Variants in CACNA1B observed in about 807,000 individuals in gnomAD.
CACNA1B encodes the protein voltage-dependent N-type calcium channel subunit alpha-1B.
Under a neutral mutation model 247.2 loss-of-function variants are expected in CACNA1B, and 70 were observed. The ratio of observed to expected loss-of-function variants is 0.28; its 90% CI spans 0.23 to 0.35. The LOEUF is 0.35. CACNA1B is among the 10% of genes least tolerant of loss of function. The pLI is 1.00. For missense variants in CACNA1B, 2,367 were observed against 3,197.4 expected, an observed-to-expected ratio of 0.74 and a Z score of 6.26; for synonymous variants, 1,231 against 1,294.4, an observed-to-expected ratio of 0.95 and a Z score of 1.05.
At chr9:137,959,951 G>A (rs539067158) in intron 10 of CACNA1B, among the ~76,000 whole-genome samples, 1 of 152,332 alleles carries the variant, frequency 6.6e-6, no homozygotes, top group Admixed American at 6.5e-5. Flanking sequence ...GAAGCGTGTG[G>A]AGGGGGGGCG....
rs1475742841 is a variant in CACNA1B, at chr9:138,120,804, C to T, written c.6412C>T (p.Pro2138Ser). Residue 2138 changes from proline (P) to serine (S), a missense_variant, in exon 46 of 47, where the codon CCC (proline) becomes TCC (serine). Pro to Ser is a moderately conservative substitution (Grantham distance 74). Transcript: ENST00000371372. ...YSCDRFGGRE[P>S]PKPKPSLSSH... Reference sequence around the variant, plus strand: ...CTGCGACCGCTTTGGGGGCCGTGAGCCCCCGAAGCCCAAGCCCTCCCTCAG... The same window carrying T: ...CTGCGACCGCTTTGGGGGCCGTGAGTCCCCGAAGCCCAAGCCCTCCCTCAG... The T allele has an allele frequency of 1.9e-6, 3 of 1,558,748 alleles. No homozygotes were observed. Among genetic ancestry groups the T allele is most frequent in the Non-Finnish European group, 2.6e-6 (3 of 1,151,932 alleles).
At position 137,990,157 on chromosome 9, in the gene CACNA1B, G is replaced by A. The variant is rs778337196; in HGVS notation, c.1974+3303G>A. Among the ~76,000 whole-genome samples the A allele has an allele frequency of 1.1e-4, 17 of 152,254 alleles. No individual in the cohort carries two copies. The highest frequency in any genetic ancestry group is 6.8e-3 in the Middle Eastern group (2 of 294). On this transcript the variant is annotated intron_variant, in intron 15 of 46. Transcript: ENST00000371372. The surrounding 1 kb of genome is among the most constrained non-coding windows in gnomAD (Gnocchi z 4.5). Reference sequence around the variant, plus strand: ...ACCAGCCTTTTGGACTGCGGGCTGCGTGGGAGTGGGGTGAGGCCTGTGACT... The same window carrying A: ...ACCAGCCTTTTGGACTGCGGGCTGCATGGGAGTGGGGTGAGGCCTGTGACT...
chr9:138,105,658 C>T, intron 38 of CACNA1B, 41 bp from the exon 39 acceptor site: 3 of 1,129,776 alleles, frequency 2.7e-6, no homozygotes, highest in South Asian at 1.3e-5. Context: ...TGGGGGGTGA[C>T]CCCAGCAGGC....
chr9:138,067,590 T>G (rs988647244), intron 31 of CACNA1B, among the ~76,000 whole-genome samples: 1 of 152,206 alleles, frequency 6.6e-6, no homozygotes, highest in Non-Finnish European at 1.5e-5. Flanking sequence ...TTCTAGCTAC[T>G]TGGGAGGCTG....
chr9:138,077,140 C>G (rs1960351731), intron 35 of CACNA1B, among the ~76,000 whole-genome samples: 1 of 152,212 alleles, frequency 6.6e-6, no homozygotes, highest in African/African-American at 2.4e-5. Context: ...AGGCCCAGCA[C>G]AGGTTGAAGC....
At position 137,952,946 on chromosome 9, in the gene CACNA1B, G is replaced by A. The variant is rs1957896165; in HGVS notation, c.1070+569G>A. Among the ~76,000 whole-genome samples the A allele has an allele frequency of 6.6e-6, 1 of 152,162 alleles. No homozygotes were observed. Among genetic ancestry groups the A allele is most frequent in the African/African-American group, 2.4e-5 (1 of 41,416 alleles). Reference sequence around the variant, plus strand: ...CCACTGGGCTCGCCACCCTGGCCCTGACTGCTGGTGTCCACTTCCTCTCAG... The same window carrying A: ...CCACTGGGCTCGCCACCCTGGCCCTAACTGCTGGTGTCCACTTCCTCTCAG... On this transcript the variant is annotated intron_variant, in intron 7 of 46. Transcript: ENST00000371372. The surrounding 1 kb of genome is among the most constrained non-coding windows in gnomAD (Gnocchi z 4.8).
chr9:137,957,528 A>T lies in CACNA1B; in HGVS notation c.1244-70A>T. The T allele has an allele frequency of 3.4e-6, 4 of 1,184,826 alleles. No homozygotes were observed. In the South Asian group the frequency reaches 6.1e-5, roughly 18 times the overall value. The allele number at this position is 1,184,826 out of a possible 1,614,324, so 73.4% of individuals were successfully genotyped here. Reference sequence around the variant, plus strand: ...CTGGTCCCAGGGGGAGGGTGATCCCATGCCCCGCTGAGGCAGGTGGCCTGA... The same window carrying T: ...CTGGTCCCAGGGGGAGGGTGATCCCTTGCCCCGCTGAGGCAGGTGGCCTGA... On this transcript the variant is annotated intron_variant, in intron 9 of 46. Transcript: ENST00000371372. The surrounding 1 kb of genome is among the most constrained non-coding windows in gnomAD (Gnocchi z 4.7).
intron 6 of CACNA1B, among the ~76,000 whole-genome samples, chr9:137,933,801 G>A (rs1048021197): frequency 1.3e-5 from 2 of 152,284 alleles, no homozygotes; most frequent in Middle Eastern, 3.4e-3. Flanking sequence ...CTAATTGCTG[G>A]AGGGGTAAAG....
chr9:138,009,931 T>G, intron 16 of CACNA1B, 79 bp from the exon 17 acceptor site: 1 of 1,135,546 alleles, frequency 8.8e-7, no homozygotes, highest in Admixed American at 1.8e-5. Context: ...CTGGTTGGGA[T>G]CTGGGGAGAT....
chr9:137,995,801 A>T (rs1173688974), intron 15 of CACNA1B, among the ~76,000 whole-genome samples: 5 of 152,272 alleles, frequency 3.3e-5, no homozygotes, highest in Non-Finnish European at 7.3e-5. Context: ...AATATCCAGA[A>T]TCTGCAAAGA....
chr9:138,049,466 TG>T (rs1306663261), intron 24 of CACNA1B, among the ~76,000 whole-genome samples, 151 bp downstream of exon 24: 2 of 152,198 alleles, frequency 1.3e-5, no homozygotes, highest in African/African-American at 2.4e-5. Flanking sequence ...CCTGCCTGCT[TG>T]GGGCGGGGCT....
intron 12 of CACNA1B, among the ~76,000 whole-genome samples, chr9:137,981,490 T>C (rs749522349): frequency 2.0e-5 from 3 of 152,208 alleles, no homozygotes; most frequent in Non-Finnish European, 4.4e-5. Flanking sequence ...TCTACCTTTT[T>C]TTGTGTGTGT....
intron 45 of CACNA1B, 103 bp from the exon 46 acceptor site, chr9:138,120,528 C>T: frequency 1.4e-6 from 2 of 1,401,152 alleles, no homozygotes; most frequent in Non-Finnish European, 9.4e-7. Flanking sequence ...AACCCTCACC[C>T]TAGCCTCCCC....
chr9:137,989,590 A>G (rs1222581559), intron 15 of CACNA1B, among the ~76,000 whole-genome samples: 1 of 152,238 alleles, frequency 6.6e-6, no homozygotes, highest in Non-Finnish European at 1.5e-5. Context: ...AATGACAGAT[A>G]GTCTGATGGC....
At position 137,988,501 on chromosome 9, in the gene CACNA1B, T is replaced by C. The variant is rs1004089485; in HGVS notation, c.1974+1647T>C. On this transcript the variant is annotated intron_variant, in intron 15 of 46. Coordinates refer to ENST00000371372, the MANE Select transcript of CACNA1B (RefSeq NM_000718.4). ...AGAGAAGTTGAAGTTGGGAGGAAAG[T>C]GGGCTTTTCTGATCAGATGATGCTC... Among the ~76,000 whole-genome samples the C allele has an allele frequency of 2.0e-5, 3 of 152,130 alleles. No homozygotes were observed. The East Asian group carries it at 5.8e-4, about 29-fold the overall frequency.
intron 20 of CACNA1B, among the ~76,000 whole-genome samples, chr9:138,039,483 G>A (rs374838071): frequency 3.3e-5 from 5 of 152,056 alleles, no homozygotes; most frequent in Non-Finnish European, 7.4e-5. Context: ...ACAAACTCTC[G>A]TTACTCTAAG....
At position 137,973,452 on chromosome 9, in the gene CACNA1B, C is replaced by G. The variant is rs979716661; in HGVS notation, c.1543+1860C>G. On this transcript the variant is annotated intron_variant, in intron 11 of 46. Transcript: ENST00000371372. The surrounding 1 kb of genome is among the most constrained non-coding windows in gnomAD (Gnocchi z 4.1). ...TGTCCATTCTCCAAGGACCTGCCCT[C>G]AATGCATTGCCAGAACCTTCAAAAT... Among the ~76,000 whole-genome samples, 1 of 152,126 alleles carries G rather than the reference C, an allele frequency of 6.6e-6. No individual in the cohort carries two copies. Among genetic ancestry groups the G allele is most frequent in the Non-Finnish European group, 1.5e-5 (1 of 68,022 alleles).
chr9:138,019,872 C>A (rs897352824), intron 18 of CACNA1B, among the ~76,000 whole-genome samples: 2 of 151,930 alleles, frequency 1.3e-5, no homozygotes, highest in African/African-American at 4.8e-5. Flanking sequence ...CTGAGGTGGG[C>A]GGATTCCCTG....
chr9:137,921,640 T>TGGGAGCAGAGTAAAGCGTTCGGAGAACAC (rs1957481073), intron 6 of CACNA1B, among the ~76,000 whole-genome samples: 1 of 114,108 alleles, frequency 8.8e-6, no homozygotes, highest in Admixed American at 9.0e-5. Context: ...TCGGAGAACC[T>TGGGAGCAGAGTAAAGCGTTCGGAGAACAC]GATCAGCACC....
Sources: allele counts gnomAD v4.1 joint callset (sites outside exome capture counted in the v4.1 genomes callset), GRCh38; gene constraint gnomAD v4.1.1; non-coding constraint Gnocchi (gnomAD v3.1); transcripts MANE v1.5; gene names NCBI Gene and HGNC (gene_info 2026-07-23, HGNC 2026-07-21).